PTPRR: variants seen among roughly 807,000 people sequenced by gnomAD.
The protein encoded by PTPRR is protein tyrosine phosphatase receptor type R, also known as receptor-type tyrosine-protein phosphatase R.
Under a neutral mutation model 77.2 loss-of-function variants are expected in PTPRR, and 38 were observed. The ratio of observed to expected loss-of-function variants is 0.49; its 90% CI spans 0.38 to 0.65. PTPRR has a LOEUF of 0.65. Among genes scored for constraint, PTPRR ranks in the 30% least tolerant of loss-of-function variants. PTPRR has a pLI of 0.00. For synonymous variants in PTPRR, 299 were observed against 283.1 expected, an observed-to-expected ratio of 1.06 and a Z score of -0.57; for missense variants, 744 against 799.2, an observed-to-expected ratio of 0.93 and a Z score of 0.83.
At chr12:70,916,739 A>T (rs1311263015) in intron 1 of PTPRR, among the ~76,000 whole-genome samples, 1 of 152,162 alleles carries the variant, frequency 6.6e-6, no homozygotes, top group Non-Finnish European at 1.5e-5. Context: ...CACCTCCCAG[A>T]TCTTCTTGGT....
intron 2 of PTPRR, among the ~76,000 whole-genome samples, chr12:70,810,254 T>C (rs767842648): frequency 9.2e-5 from 14 of 152,298 alleles, no homozygotes; most frequent in Non-Finnish European, 1.9e-4. Flanking sequence ...ATTGGTGCAG[T>C]TGAATGGGAT....
At chr12:70,724,358 G>T (rs568718735) in intron 6 of PTPRR, among the ~76,000 whole-genome samples, 2 of 152,228 alleles carry the variant, frequency 1.3e-5, no homozygotes, top group East Asian at 3.9e-4. Flanking sequence ...TAACCTGTAT[G>T]TGCCCAGTTT....
intron 2 of PTPRR, among the ~76,000 whole-genome samples, chr12:70,864,542 A>G (rs1892807420): frequency 6.6e-6 from 1 of 152,216 alleles, no homozygotes; most frequent in African/African-American, 2.4e-5. Context: ...GTAAGCTATC[A>G]TTATAAATAC....
At chr12:70,886,325 G>C (rs1893239049) in intron 2 of PTPRR, among the ~76,000 whole-genome samples, 1 of 152,162 alleles carries the variant, frequency 6.6e-6, no homozygotes, top group African/African-American at 2.4e-5. Context: ...ATATAAGAAG[G>C]TGATTATATA....
intron 2 of PTPRR, among the ~76,000 whole-genome samples, chr12:70,805,013 G>A (rs923544761): frequency 5.3e-5 from 8 of 152,008 alleles, no homozygotes; most frequent in African/African-American, 1.9e-4. Flanking sequence ...TGTCACACAC[G>A]AACGAGATAG....
chr12:70,688,965 G>A (rs1285555388), intron 8 of PTPRR, among the ~76,000 whole-genome samples: 2 of 152,036 alleles, frequency 1.3e-5, no homozygotes, highest in Non-Finnish European at 2.9e-5. Flanking sequence ...TTTATGTGTG[G>A]AATCTAAAAA....
At chr12:70,895,988 G>A (rs897850007) in intron 1 of PTPRR, among the ~76,000 whole-genome samples, 18 of 151,504 alleles carry the variant, frequency 1.2e-4, no homozygotes, top group Admixed American at 2.6e-4. Flanking sequence ...GTGTAGAAGC[G>A]CAAGAAACTC....
At chr12:70,729,127 C>A (rs1259713170) in intron 6 of PTPRR, among the ~76,000 whole-genome samples, 3 of 152,006 alleles carry the variant, frequency 2.0e-5, no homozygotes, top group Admixed American at 2.0e-4. Flanking sequence ...AATTTAAATA[C>A]AGATTATAGA....
chr12:70,745,155 C>T (rs770080829), intron 6 of PTPRR, among the ~76,000 whole-genome samples: 1 of 152,088 alleles, frequency 6.6e-6, no homozygotes, highest in African/African-American at 2.4e-5. Flanking sequence ...ACGTCTGCCT[C>T]CCAGGTTCAA....
At chr12:70,672,373 GAGCCAGGAGGT>G (rs1234778368) in intron 10 of PTPRR, 1 of 1,332,210 alleles carries the variant, frequency 7.5e-7, no homozygotes, top group Non-Finnish European at 1.1e-6. Flanking sequence ...TCCCATCAGA[GAGCCAGGAGGT>G]AGACTGGGAA....
At chr12:70,720,910 G>T in intron 6 of PTPRR, among the ~76,000 whole-genome samples, 1 of 152,038 alleles carries the variant, frequency 6.6e-6, no homozygotes. Flanking sequence ...TTTCTATTTG[G>T]TTTCAGATTA....
rs1885886186 is a variant in PTPRR at position 70,639,077 on chromosome 12, C to A, written c.*107G>T. On this transcript the variant is annotated 3_prime_UTR_variant, in exon 14 of 14. Coordinates refer to ENST00000283228, the MANE Select transcript of PTPRR (RefSeq NM_002849.4). Reference sequence around the variant, plus strand: ...CACAATCCATGCCATACATGGGCTTCAGAGCTTCTCCTTCCTTCCATTGCA... The same window carrying A: ...CACAATCCATGCCATACATGGGCTTAAGAGCTTCTCCTTCCTTCCATTGCA... The A allele has an allele frequency of 2.2e-6, 2 of 912,506 alleles. No individual in the cohort carries two copies. The highest frequency in any genetic ancestry group is 3.4e-6 in the Non-Finnish European group (2 of 583,846). 56.5% of individuals were successfully genotyped at this position (912,506 alleles called of 1,614,324 possible).
At chr12:70,740,795 G>A (rs1407405653) in intron 6 of PTPRR, among the ~76,000 whole-genome samples, 56 of 152,058 alleles carry the variant, frequency 3.7e-4, no homozygotes, top group Non-Finnish European at 5.9e-5. Context: ...TTTTAATGAA[G>A]CCATACTTTT....
chr12:70,785,875 A>G lies in PTPRR; in HGVS notation c.358-21097T>C, dbSNP rs191308320. On this transcript the variant is annotated intron_variant, in intron 2 of 13. Transcript: ENST00000283228. ...AACAGAGTTTTCAATTCTCATTATTATATGTTTGAGTCAACAGAACTTTCC... is the reference window on the plus strand; with the variant it reads ...AACAGAGTTTTCAATTCTCATTATTGTATGTTTGAGTCAACAGAACTTTCC... Among the ~76,000 whole-genome samples the G allele has an allele frequency of 1.0e-3, 158 of 152,332 alleles. 1 individual carries two copies. The highest frequency in any genetic ancestry group is 3.3e-3 in the African/African-American group (136 of 41,578).
intron 8 of PTPRR, 122 bp downstream of exon 8, chr12:70,698,143 G>A (rs1411372916): frequency 1.5e-6 from 1 of 674,086 alleles, no homozygotes. Context: ...AGGTATACAT[G>A]TGCCATTGTG....
At chr12:70,806,580 G>C (rs1238930756) in intron 2 of PTPRR, among the ~76,000 whole-genome samples, 10 of 152,136 alleles carry the variant, frequency 6.6e-5, no homozygotes, top group Admixed American at 2.0e-4. Context: ...AAATCTGTTT[G>C]TAAATTCACA....
intron 6 of PTPRR, among the ~76,000 whole-genome samples, chr12:70,737,751 G>A (rs1020816877): frequency 6.6e-6 from 1 of 152,088 alleles, no homozygotes; most frequent in African/African-American, 2.4e-5. Flanking sequence ...TCAAACTCCT[G>A]GCTTCAAGTG....
At chr12:70,647,238 C>T (rs1360210468) in intron 13 of PTPRR, among the ~76,000 whole-genome samples, 2 of 152,112 alleles carry the variant, frequency 1.3e-5, no homozygotes, top group African/African-American at 4.8e-5. Context: ...TTTCACTTCC[C>T]AGGTTCTGTT....
rs202121137 is a variant in PTPRR at position 70,639,147 on chromosome 12, C to T, written c.*37G>A. ...CTTGGGTGGGTAATTTGATTAATCA[C>T]CCCAAGAGATTGATGGTCTGACAAG... is the stretch of plus-strand genomic sequence containing the variant. On this transcript the variant is annotated 3_prime_UTR_variant, in exon 14 of 14. Transcript: ENST00000283228. 1.2e-4 allele frequency: 188 copies of T among 1,572,550 alleles called. No homozygotes were observed. The highest frequency in any genetic ancestry group is 1.5e-4 in the Non-Finnish European group (174 of 1,147,410).
Sources: gnomAD v4.1 joint callset for allele counts (sites outside exome capture counted in the v4.1 genomes callset) on GRCh38, gnomAD v4.1.1 for gene constraint, MANE v1.5 for transcripts, NCBI Gene and HGNC (gene_info 2026-07-23, HGNC 2026-07-21) for gene names.